Variants in TAX1BP1 observed in about 807,000 individuals in gnomAD.
TAX1BP1 encodes the protein tax1-binding protein 1.
In TAX1BP1, 62 loss-of-function variants were observed where a neutral mutation model predicts 97.7. The ratio of observed to expected loss-of-function variants is 0.63; its 90% CI spans 0.52 to 0.78. The LOEUF (loss-of-function observed/expected upper bound fraction) is 0.78. Among genes scored for constraint, TAX1BP1 ranks in the 30% least tolerant of loss-of-function variants. The probability of loss-of-function intolerance (pLI) is 0.00; values close to 1 mark genes in which losing one functional copy is unlikely to be tolerated. For missense variants in TAX1BP1, 867 were observed against 916.1 expected, an observed-to-expected ratio of 0.95 and a Z score of 0.69; for synonymous variants, 340 against 304.2, an observed-to-expected ratio of 1.12 and a Z score of -1.23.
At chr7:27,768,319 A>C (rs1788717643) in intron 4 of TAX1BP1, among the ~76,000 whole-genome samples, 1 of 152,030 alleles carries the variant, frequency 6.6e-6, no homozygotes, top group South Asian at 2.1e-4. Flanking sequence ...TTGGATGATC[A>C]TTGTAAAATT....
At chr7:27,766,489 A>G (rs1428887993) in intron 4 of TAX1BP1, among the ~76,000 whole-genome samples, 16 of 148,046 alleles carry the variant, frequency 1.1e-4, no homozygotes, top group Non-Finnish European at 4.5e-5. Flanking sequence ...AACTAAAATA[A>G]TAAATTTAGA....
intron 5 of TAX1BP1, among the ~76,000 whole-genome samples, chr7:27,778,617 C>A (rs1789125207): frequency 6.6e-6 from 1 of 152,086 alleles, no homozygotes; most frequent in Admixed American, 6.6e-5. Flanking sequence ...GTAATCCCAG[C>A]ACTTTGGGAG....
rs1789533584 is a variant in TAX1BP1 at position 27,787,513 on chromosome 7, T to C, written c.948T>C (p.Thr316=). The change falls in exon 8 of 17, where the codon ACT becomes ACC. Residue 316 remains threonine (T), a synonymous_variant. Transcript: ENST00000396319. ...NLDGNKESVI[T]HFKEEIGRLQ... is the part of the protein sequence containing the mutation. ...ATGGGAACAAAGAAAGCGTGATTACTCATTTCAAAGAAGAGATTGGCAGGC... is the reference window on the plus strand; with the variant it reads ...ATGGGAACAAAGAAAGCGTGATTACCCATTTCAAAGAAGAGATTGGCAGGC... The C allele has an allele frequency of 1.2e-6, 2 of 1,613,700 alleles. No individual in the cohort carries two copies. The highest frequency in any genetic ancestry group is 2.7e-5 in the African/African-American group (2 of 74,926).
intron 5 of TAX1BP1, among the ~76,000 whole-genome samples, chr7:27,778,884 T>C (rs1290771450): frequency 6.6e-6 from 1 of 151,520 alleles, no homozygotes; most frequent in Admixed American, 6.6e-5. Context: ...AGTATACAAT[T>C]TGGATGGTTT....
chr7:27,797,331 T>C (rs1489305651), intron 12 of TAX1BP1, among the ~76,000 whole-genome samples: 1 of 152,110 alleles, frequency 6.6e-6, no homozygotes, highest in Non-Finnish European at 1.5e-5. Context: ...CATTCAGACT[T>C]TTCTGGTTTG....
intron 3 of TAX1BP1, among the ~76,000 whole-genome samples, chr7:27,763,755 G>A (rs537015963): frequency 4.0e-5 from 6 of 149,776 alleles, no homozygotes; most frequent in African/African-American, 1.5e-4. Flanking sequence ...GTGACAGAGC[G>A]AGACTCTGTC....
intron 8 of TAX1BP1, among the ~76,000 whole-genome samples, chr7:27,788,788 C>G (rs556315920): frequency 1.1e-3 from 161 of 152,036 alleles, no homozygotes; most frequent in African/African-American, 3.7e-3. Flanking sequence ...GGTTGTTCCC[C>G]CAGACCTGAT....
intron 12 of TAX1BP1, among the ~76,000 whole-genome samples, chr7:27,797,286 C>T (rs1030655698): frequency 5.3e-5 from 8 of 152,054 alleles, no homozygotes; most frequent in Admixed American, 1.3e-4. Flanking sequence ...CATGAGCCAC[C>T]GCGCCCGGCC....
intron 13 of TAX1BP1, among the ~76,000 whole-genome samples, chr7:27,813,963 T>C (rs772299772): frequency 2.6e-5 from 4 of 152,144 alleles, no homozygotes; most frequent in Non-Finnish European, 5.9e-5. Flanking sequence ...CTTAACATCA[T>C]AGAGCAGTTC....
intron 13 of TAX1BP1, among the ~76,000 whole-genome samples, chr7:27,813,746 G>C (rs1790651457): frequency 6.6e-6 from 1 of 152,192 alleles, no homozygotes; most frequent in South Asian, 2.1e-4. Context: ...AAATCAGTGA[G>C]AAACAGGAAA....
At chr7:27,798,024 T>C (rs1427280744) in intron 12 of TAX1BP1, among the ~76,000 whole-genome samples, 2 of 152,154 alleles carry the variant, frequency 1.3e-5, no homozygotes, top group African/African-American at 4.8e-5. Flanking sequence ...GTTATCCTTA[T>C]CTCTAGGAAA....
At chr7:27,813,132 C>T (rs1017490603) in intron 13 of TAX1BP1, among the ~76,000 whole-genome samples, 1 of 148,594 alleles carries the variant, frequency 6.7e-6, no homozygotes, top group African/African-American at 2.5e-5. Context: ...ATAAGTCCTC[C>T]AACTTTGTTC....
chr7:27,767,877 A>G (rs1028606557), intron 4 of TAX1BP1, among the ~76,000 whole-genome samples: 14 of 152,186 alleles, frequency 9.2e-5, no homozygotes, highest in South Asian at 4.1e-4. Flanking sequence ...TTTTTTAACA[A>G]ATATTTTGGT....
chr7:27,759,371 TATTA>T (rs1325193093), intron 3 of TAX1BP1, among the ~76,000 whole-genome samples: 1 of 152,200 alleles, frequency 6.6e-6, no homozygotes, highest in African/African-American at 2.4e-5. Flanking sequence ...TGTAATGTGG[TATTA>T]ACATATAAGT....
At chr7:27,795,596 A>C (rs1050749740) in intron 11 of TAX1BP1, among the ~76,000 whole-genome samples, 1 of 152,194 alleles carries the variant, frequency 6.6e-6, no homozygotes, top group Non-Finnish European at 1.5e-5. Context: ...TCTGTCCCCC[A>C]GGCTGGAGTG....
intron 8 of TAX1BP1, among the ~76,000 whole-genome samples, chr7:27,788,910 A>T (rs1789593768): frequency 6.6e-6 from 1 of 151,922 alleles, no homozygotes; most frequent in Non-Finnish European, 1.5e-5. Context: ...TTCAGTGGGT[A>T]TTTTGCATCT....
chr7:27,750,820 A>G (rs1017482855), intron 2 of TAX1BP1, among the ~76,000 whole-genome samples: 2 of 152,186 alleles, frequency 1.3e-5, no homozygotes, highest in African/African-American at 4.8e-5. Flanking sequence ...TACTGCTTAC[A>G]TATTTCTAAA....
Position 27,796,165 on chromosome 7 carries a change from C to A in TAX1BP1, c.1584C>A (p.Thr528=), listed in dbSNP as rs762155930. Reference sequence around the variant, plus strand: ...CAAAGGGGCAAGTCTGTGAAATGACCAAAGAAATTGCTGACAAAACAGAAA... The same window carrying A: ...CAAAGGGGCAAGTCTGTGAAATGACAAAAGAAATTGCTGACAAAACAGAAA... ...IVTKGQVCEM[T]KEIADKTEKY... Residue 528 remains threonine (T), a synonymous_variant, in exon 12 of 17, where the codon ACC becomes ACA. Coordinates refer to ENST00000396319, the MANE Select transcript of TAX1BP1 (RefSeq NM_006024.7). The A allele has an allele frequency of 6.3e-7, 1 of 1,598,148 alleles. No individual in the cohort carries two copies.
intron 5 of TAX1BP1, among the ~76,000 whole-genome samples, chr7:27,779,519 A>G (rs571788860): frequency 1.1e-3 from 161 of 152,352 alleles, no homozygotes; most frequent in African/African-American, 3.7e-3. Context: ...AAAGTAATTT[A>G]CAATAGTAGT....
Sources: gnomAD v4.1 joint callset for allele counts (sites outside exome capture counted in the v4.1 genomes callset) on GRCh38, gnomAD v4.1.1 for gene constraint, MANE v1.5 for transcripts, NCBI Gene and HGNC (gene_info 2026-07-23, HGNC 2026-07-21) for gene names.